Variants in SESN1 observed in about 807,000 individuals in gnomAD.
The protein encoded by SESN1 is sestrin 1.
A neutral mutation model predicts 59.3 loss-of-function variants in SESN1; 30 were observed. The ratio of observed to expected loss-of-function variants is 0.51; its 90% CI spans 0.38 to 0.69. The LOEUF (loss-of-function observed/expected upper bound fraction) is 0.69. Among genes scored for constraint, SESN1 ranks in the 30% least tolerant of loss-of-function variants. SESN1 has a pLI of 0.00. For missense variants in SESN1, 566 were observed against 673.0 expected, an observed-to-expected ratio of 0.84 and a Z score of 1.76; for synonymous variants, 197 against 219.9, an observed-to-expected ratio of 0.90 and a Z score of 0.92.
intron 1 of SESN1, among the ~76,000 whole-genome samples, chr6:109,090,928 C>T (rs890304650): frequency 1.3e-5 from 2 of 152,084 alleles, no homozygotes; most frequent in Admixed American, 1.3e-4. Flanking sequence ...CTCCACTGCA[C>T]CCAGCTAATT....
rs1167959734 is a variant in SESN1, at chr6:109,001,299, T to C, written c.535A>G (p.Ile179Val). The C allele has an allele frequency of 5.0e-6, 8 of 1,613,386 alleles. No individual in the cohort carries two copies. The highest frequency in any genetic ancestry group is 2.2e-5 in the East Asian group (1 of 44,886). ...GAATGTTTACAAACCATTATTCCAA[T>C]GTAGTGACGATAATGTAGGGGTAAC... ...GPLPLHYRHY[I>V]GIMAAARHQC... is the part of the protein sequence containing the mutation. Residue 179 changes from isoleucine to valine, a missense_variant, in exon 3 of 10, where the codon ATT (isoleucine) becomes GTT (valine). Ile to Val is a conservative substitution (Grantham distance 29). Coordinates refer to ENST00000436639, the MANE Select transcript of SESN1 (RefSeq NM_014454.3).
chr6:108,998,731 T>C lies in SESN1; in HGVS notation c.754A>G (p.Ser252Gly). ...TGTACCAATTCCGCAAGGGACCAGC[T>C]GTGCTCTTCAGCTTTTAAAAGTCCC... The part of the protein sequence containing the change: ...IEGLLKAEEH[S>G]WSLAELVHAV... The change falls in exon 5 of 10, where the codon AGC (serine) becomes GGC (glycine). Residue 252 changes from serine to glycine, a missense_variant. Ser to Gly is a moderately conservative substitution (Grantham distance 56). Coordinates refer to ENST00000436639, the MANE Select transcript of SESN1 (RefSeq NM_014454.3). 1 of 1,612,462 alleles carries C rather than the reference T, an allele frequency of 6.2e-7. No homozygotes were observed. Among genetic ancestry groups the C allele is most frequent in the Non-Finnish European group, 8.5e-7 (1 of 1,178,630 alleles).
chr6:108,990,788 A>G lies in SESN1; in HGVS notation c.1281T>C (p.Tyr427=). ...CATCAATCAACTGTCCCACATCTGGATAAAGGCGATTTACCAAAGAATAAC... is the reference window on the plus strand; with the variant it reads ...CATCAATCAACTGTCCCACATCTGGGTAAAGGCGATTTACCAAAGAATAAC... ...DHGYSLVNRL[Y]PDVGQLIDEK... Residue 427 remains tyrosine, a synonymous_variant, in exon 8 of 10, where the codon TAT becomes TAC. Transcript: ENST00000436639. 1 of 1,614,108 alleles carries G rather than the reference A, an allele frequency of 6.2e-7. No individual in the cohort carries two copies. The highest frequency in any genetic ancestry group is 1.1e-5 in the South Asian group (1 of 91,086).
chr6:109,084,826 T>C (rs1299097655), intron 1 of SESN1, among the ~76,000 whole-genome samples: 1 of 152,166 alleles, frequency 6.6e-6, no homozygotes, highest in African/African-American at 2.4e-5. Context: ...ATTATTATGT[T>C]GCCAAATTTA....
At chr6:109,020,807 A>C (rs1406557422) in intron 1 of SESN1, among the ~76,000 whole-genome samples, 4 of 152,192 alleles carry the variant, frequency 2.6e-5, no homozygotes, top group Non-Finnish European at 5.9e-5. Context: ...ATTTTGCTTC[A>C]GTTTGCCAAA....
At chr6:109,051,700 C>A (rs917316222) in intron 1 of SESN1, among the ~76,000 whole-genome samples, 1 of 152,066 alleles carries the variant, frequency 6.6e-6, no homozygotes, top group Admixed American at 6.6e-5. Flanking sequence ...TAACAGAATA[C>A]CTGAGACTGG....
intron 1 of SESN1, among the ~76,000 whole-genome samples, chr6:109,055,806 C>T (rs968035050): frequency 6.6e-6 from 1 of 151,660 alleles, no homozygotes; most frequent in African/African-American, 2.4e-5. Flanking sequence ...TTTAAATTTC[C>T]AAAAATTGTG....
chr6:109,048,179 C>T (rs1487824616), intron 1 of SESN1, among the ~76,000 whole-genome samples: 2 of 152,072 alleles, frequency 1.3e-5, no homozygotes, highest in Non-Finnish European at 2.9e-5. Flanking sequence ...ATGACCTTCA[C>T]AAATGCCCTC....
intron 1 of SESN1, among the ~76,000 whole-genome samples, chr6:109,027,707 T>C (rs1780118481): frequency 6.6e-6 from 1 of 152,120 alleles, no homozygotes; most frequent in African/African-American, 2.4e-5. Flanking sequence ...CTCCTAACTA[T>C]CCTGCAATGC....
intron 1 of SESN1, among the ~76,000 whole-genome samples, chr6:109,053,115 A>G (rs1780570404): frequency 6.6e-6 from 1 of 152,014 alleles, no homozygotes; most frequent in Non-Finnish European, 1.5e-5. Flanking sequence ...TAGGTTGGGA[A>G]TAATTTTGTC....
chr6:109,040,194 C>T (rs1283552561), intron 1 of SESN1, among the ~76,000 whole-genome samples: 1 of 152,138 alleles, frequency 6.6e-6, no homozygotes, highest in Non-Finnish European at 1.5e-5. Flanking sequence ...ACTACCCCCA[C>T]CACAACCCCC....
chr6:109,081,697 A>C (rs751276631), intron 1 of SESN1, among the ~76,000 whole-genome samples: 4 of 152,136 alleles, frequency 2.6e-5, no homozygotes, highest in Non-Finnish European at 5.9e-5. Context: ...CATCCACCCC[A>C]ATTCACAGAA....
intron 1 of SESN1, among the ~76,000 whole-genome samples, chr6:109,010,624 CA>C (rs914705926): frequency 1.3e-5 from 2 of 152,076 alleles, no homozygotes; most frequent in African/African-American, 2.4e-5. Flanking sequence ...AGTGGCATGT[CA>C]AAATGGTTAC....
At chr6:109,046,244 C>G (rs2114427979) in intron 1 of SESN1, among the ~76,000 whole-genome samples, 1 of 151,432 alleles carries the variant, frequency 6.6e-6, no homozygotes, top group Admixed American at 6.6e-5. Flanking sequence ...CAGGCACGCG[C>G]CGCCACGCCT....
intron 1 of SESN1, among the ~76,000 whole-genome samples, chr6:109,044,423 AT>A (rs1780391410): frequency 1.3e-5 from 2 of 151,784 alleles, no homozygotes; most frequent in Non-Finnish European, 2.9e-5. Flanking sequence ...ATAATAGGAC[AT>A]CCATACGCAA....
intron 1 of SESN1, among the ~76,000 whole-genome samples, chr6:109,033,849 TC>T (rs1275843427): frequency 6.6e-6 from 1 of 152,234 alleles, no homozygotes; most frequent in Non-Finnish European, 1.5e-5. Context: ...CATAATTGAT[TC>T]CAGCCATGTT....
intron 1 of SESN1, among the ~76,000 whole-genome samples, chr6:109,083,717 T>C (rs532652876): frequency 2.0e-5 from 3 of 152,332 alleles, no homozygotes; most frequent in South Asian, 4.1e-4. Context: ...TCCCTAACAT[T>C]TAAATTACTT....
intron 1 of SESN1, among the ~76,000 whole-genome samples, chr6:109,016,057 A>T (rs947997040): frequency 1.3e-5 from 2 of 152,194 alleles, no homozygotes; most frequent in African/African-American, 4.8e-5. Flanking sequence ...ACTTATCCTG[A>T]ACCCACAGAC....
intron 8 of SESN1, 104 bp from the exon 9 acceptor site, chr6:108,988,791 T>C: frequency 1.1e-6 from 1 of 904,454 alleles, no homozygotes; most frequent in Non-Finnish European, 1.6e-6. Flanking sequence ...TTTTCTCTCT[T>C]TGTGTAGGCA....
Sources: allele counts gnomAD v4.1 joint callset (sites outside exome capture counted in the v4.1 genomes callset), GRCh38; gene constraint gnomAD v4.1.1; transcripts MANE v1.5; gene names NCBI Gene and HGNC (gene_info 2026-07-23, HGNC 2026-07-21).